The following DIAPH2 variants were observed in gnomAD, a reference collection of about 807,000 sequenced individuals.
DIAPH2 encodes the protein protein diaphanous homolog 2.
Under a neutral mutation model 92.7 loss-of-function variants are expected in DIAPH2, and 35 were observed. That is an observed-to-expected ratio of 0.38 (90% CI 0.29 to 0.50). The LOEUF (loss-of-function observed/expected upper bound fraction) is 0.50, where lower values mean the gene tolerates loss of function less well. DIAPH2 is among the 20% of genes least tolerant of loss of function. The pLI is 0.94. For synonymous variants in DIAPH2, 301 were observed against 280.4 expected (o/e 1.07, Z -0.73); for missense variants, 701 against 819.5 (o/e 0.86, Z 1.77).
intron 1 of DIAPH2, among the ~76,000 whole-genome samples, chrX:96,700,401 C>T (rs1211058305): frequency 8.9e-6 from 1 of 112,368 alleles, no homozygotes; most frequent in Non-Finnish European, 1.9e-5. Flanking sequence ...CATCTCAAAA[C>T]TTCTCACTGT....
chrX:96,783,770 C>T (rs1444603620), intron 4 of DIAPH2, among the ~76,000 whole-genome samples: 1 of 112,212 alleles, frequency 8.9e-6, no homozygotes, highest in Non-Finnish European at 1.9e-5. Flanking sequence ...CTCCTCTATT[C>T]TGTGGGTTTT....
intron 1 of DIAPH2, among the ~76,000 whole-genome samples, chrX:96,732,192 G>T (rs1435127605): frequency 9.0e-6 from 1 of 111,513 alleles, no homozygotes; most frequent in Non-Finnish European, 1.9e-5. Context: ...TGGTGTTTCT[G>T]TTGTTATTCT....
intron 21 of DIAPH2, among the ~76,000 whole-genome samples, chrX:97,124,093 C>CATTA (rs1340118765): frequency 2.7e-5 from 3 of 112,039 alleles, no homozygotes; most frequent in Non-Finnish European, 5.6e-5. Flanking sequence ...CTGTAGCCTA[C>CATTA]ATTAAGAAAT....
intron 17 of DIAPH2, among the ~76,000 whole-genome samples, chrX:97,044,177 G>A (rs1434200230): frequency 9.0e-6 from 1 of 110,684 alleles, no homozygotes; most frequent in Admixed American, 9.6e-5. Flanking sequence ...TGTATAATAA[G>A]AAATTGTCAT....
intron 4 of DIAPH2, among the ~76,000 whole-genome samples, chrX:96,837,433 C>CTCTCTCTCTG (rs1189132418): frequency 2.2e-3 from 93 of 41,334 alleles, no homozygotes; most frequent in Non-Finnish European, 3.0e-3. Context: ...CTCTCTCTCT[C>CTCTCTCTCTG]TGTGTGTGTG....
intron 22 of DIAPH2, among the ~76,000 whole-genome samples, chrX:97,174,162 T>C (rs2067475463): frequency 9.2e-6 from 1 of 108,723 alleles, no homozygotes; most frequent in Non-Finnish European, 1.9e-5. Context: ...TCATCTCCTC[T>C]GTACTTCACA....
At chrX:97,091,049 C>T (rs5921323) in intron 19 of DIAPH2, among the ~76,000 whole-genome samples, 4,308 of 111,026 alleles carry the variant, frequency 0.039, 80 homozygotes, top group Middle Eastern at 0.06. Flanking sequence ...CTCTGTTGCC[C>T]AGGCTGGAGT....
At chrX:97,473,350 T>G (rs1192995039) in intron 26 of DIAPH2, among the ~76,000 whole-genome samples, 1 of 111,419 alleles carries the variant, frequency 9.0e-6, no homozygotes, top group Non-Finnish European at 1.9e-5. Flanking sequence ...TTAATTTATT[T>G]TTGAGACAGA....
intron 22 of DIAPH2, among the ~76,000 whole-genome samples, chrX:97,229,584 GA>G (rs1270842264): frequency 9.0e-6 from 1 of 110,538 alleles, no homozygotes; most frequent in African/African-American, 3.3e-5. Context: ...TGCCACTGGG[GA>G]AAACAGGATA....
chrX:97,283,810 C>T (rs758379212), intron 23 of DIAPH2, among the ~76,000 whole-genome samples: 2 of 111,924 alleles, frequency 1.8e-5, no homozygotes, highest in East Asian at 5.6e-4. Flanking sequence ...GATGTGGTGG[C>T]CCATGCCTGT....
chrX:97,458,296 TCTTTC>T (rs2070427068), intron 26 of DIAPH2, among the ~76,000 whole-genome samples: 1 of 106,527 alleles, frequency 9.4e-6, no homozygotes, highest in Admixed American at 1.0e-4. Context: ...TTCTTTCTTT[TCTTTC>T]GTTCTTTTTT....
At position 97,529,790 on chromosome X, in the gene DIAPH2, A is replaced by G. The variant is rs144695963; in HGVS notation, c.3242-69463A>G. Among the ~76,000 whole-genome samples, 29 of 111,988 alleles carry G rather than the reference A, an allele frequency of 2.6e-4. No homozygotes were observed. In the East Asian group the frequency reaches 6.5e-3, roughly 25 times the overall value. On this transcript the variant is annotated intron_variant, in intron 26 of 26. Coordinates refer to ENST00000324765, the MANE Select transcript of DIAPH2 (RefSeq NM_006729.5). ...AAGAAGAAATAATGTTTAAGATTCA[A>G]TCATACAACAAGAAGCCTAGAGAGA...
chrX:97,551,689 T>C (rs779564317), intron 26 of DIAPH2, among the ~76,000 whole-genome samples: 1 of 111,504 alleles, frequency 9.0e-6, no homozygotes, highest in Non-Finnish European at 1.9e-5. Flanking sequence ...TTATAATTGG[T>C]TGTTTTCTCC....
chrX:96,872,793 C>A (rs748836314), intron 4 of DIAPH2, among the ~76,000 whole-genome samples: 1 of 110,595 alleles, frequency 9.0e-6, no homozygotes, highest in South Asian at 3.9e-4. Flanking sequence ...CACGCCTGGC[C>A]CCTGTGCCAC....
intron 1 of DIAPH2, among the ~76,000 whole-genome samples, chrX:96,698,519 C>G (rs5949979): frequency 0.22 from 23,591 of 109,705 alleles, 1,940 homozygotes; most frequent in East Asian, 0.33. Flanking sequence ...GAGTAATAGA[C>G]CCCTAAACTA....
intron 23 of DIAPH2, among the ~76,000 whole-genome samples, chrX:97,295,279 T>C (rs754288631): frequency 2.7e-5 from 3 of 112,023 alleles, no homozygotes; most frequent in Non-Finnish European, 5.6e-5. Context: ...AATTCAAATA[T>C]TATCTTTTGC....
intron 17 of DIAPH2, among the ~76,000 whole-genome samples, chrX:96,997,276 T>TA (rs1436811500): frequency 8.9e-6 from 1 of 111,781 alleles, no homozygotes; most frequent in Non-Finnish European, 1.9e-5. Context: ...GTTCTGTTGA[T>TA]ATAGCATATT....
chrX:96,991,074 T>G (rs990997123), intron 17 of DIAPH2, among the ~76,000 whole-genome samples: 14 of 111,260 alleles, frequency 1.3e-4, no homozygotes, highest in Admixed American at 7.7e-4. Flanking sequence ...TCAACTCATT[T>G]TATCTTCTCA....
chrX:96,830,919 G>A (rs1030376927), intron 4 of DIAPH2, among the ~76,000 whole-genome samples: 10 of 111,405 alleles, frequency 9.0e-5, no homozygotes, highest in Non-Finnish European at 1.5e-4. Flanking sequence ...AGCAGTTCCA[G>A]TTCTTGGCAC....
Sources: allele counts gnomAD v4.1 joint callset (sites outside exome capture counted in the v4.1 genomes callset), GRCh38; gene constraint gnomAD v4.1.1; transcripts MANE v1.5; gene names NCBI Gene and HGNC (gene_info 2026-07-23, HGNC 2026-07-21).